The following PLA2G6 variants were observed in gnomAD, a reference collection of about 807,000 sequenced individuals.
PLA2G6 encodes the protein phospholipase A2 group VI.
Under a neutral mutation model 83.8 loss-of-function variants are expected in PLA2G6, and 62 were observed. That is an observed-to-expected ratio of 0.74 (90% CI 0.60 to 0.91). The LOEUF (loss-of-function observed/expected upper bound fraction) is 0.91. PLA2G6 is among the 40% of genes least tolerant of loss of function. PLA2G6 has a pLI of 0.00. For synonymous variants in PLA2G6, 417 were observed against 449.8 expected (o/e 0.93, Z 0.92); for missense variants, 944 against 1,102.0 (o/e 0.86, Z 2.03).
At position 38,116,502 on chromosome 22, in the gene PLA2G6, C is replaced by A. The variant is rs1198845779; in HGVS notation, c.1743-291G>T. On this transcript the variant is annotated intron_variant, in intron 12 of 16. Coordinates refer to ENST00000332509, the MANE Select transcript of PLA2G6 (RefSeq NM_003560.4). ...AAGACTGATAAAACATGGCTGTTAT[C>A]TGTTATCAAAATCAGGAAAGAAAAG... is the stretch of plus-strand genomic sequence containing the variant. The A allele has an allele frequency of 2.2e-5, 12 of 554,916 alleles. No individual in the cohort carries two copies. The East Asian group carries it at 4.6e-4, about 21-fold the overall frequency. The allele number at this position is 554,916 out of a possible 1,614,324, so 34.4% of individuals were successfully genotyped here.
chr22:38,140,379 G>A (rs559687817), intron 4 of PLA2G6: 10 of 539,424 alleles, frequency 1.9e-5, no homozygotes, highest in Non-Finnish European at 2.7e-5. Context: ...ATGGTGGCAG[G>A]CACCTGTAAT....
intron 12 of PLA2G6, among the ~76,000 whole-genome samples, chr22:38,119,758 A>G (rs981869932): frequency 1.8e-4 from 27 of 152,120 alleles, no homozygotes; most frequent in African/African-American, 5.3e-4. Context: ...GGCTGCAGTA[A>G]GCCGTGTTCA....
Position 38,115,653 on chromosome 22 carries a change from G to A in PLA2G6, c.1908C>T (p.Ser636=). ...GGAAGTAAGTAGGAGCTGCCCCGCT[G>A]CTTCGGGCCGCCCGCCACACCAGCT... ...SDQLVWRAAR[S]SGAAPTYFRP... is the part of the protein sequence containing the mutation. The change falls in exon 14 of 17, where the codon AGC becomes AGT. Residue 636 remains serine (S), a synonymous_variant. Coordinates refer to ENST00000332509, the MANE Select transcript of PLA2G6 (RefSeq NM_003560.4). 2 of 1,559,910 alleles carry A rather than the reference G, an allele frequency of 1.3e-6. No individual in the cohort carries two copies. The highest frequency in any genetic ancestry group is 1.7e-6 in the Non-Finnish European group (2 of 1,155,146).
chr22:38,145,349 C>T, intron 3 of PLA2G6, 89 bp downstream of exon 3: 1 of 1,126,890 alleles, frequency 8.9e-7, no homozygotes, highest in Middle Eastern at 2.8e-4. Context: ...TTAAGTCAAA[C>T]TATGGAGGGG....
At chr22:38,118,374 C>A (rs1405816745) in intron 12 of PLA2G6, among the ~76,000 whole-genome samples, 2 of 152,196 alleles carry the variant, frequency 1.3e-5, no homozygotes, top group Admixed American at 6.5e-5. Flanking sequence ...TGGGTATACG[C>A]CTAAGCTAAC....
chr22:38,145,601 A>G lies in PLA2G6; in HGVS notation c.262T>C (p.Ser88Pro). ...TCATAGAAGGGTAGCAGCTGGGAAGAATACTGATGGAAATTCACTAGGGCG... is the reference window on the plus strand; with the variant it reads ...TCATAGAAGGGTAGCAGCTGGGAAGGATACTGATGGAAATTCACTAGGGCG... ...ADALVNFHQY[S>P]SQLLPFYESS... Residue 88 changes from serine (S) to proline (P), a missense_variant, in exon 3 of 17, where the codon TCT (serine) becomes CCT (proline). Physicochemically the swap from Ser to Pro is moderately conservative, Grantham distance 74 (BLOSUM62 -1). Transcript: ENST00000332509. 6.2e-7 allele frequency: 1 copy of G among 1,613,872 alleles called. No homozygotes were observed. The highest frequency in any genetic ancestry group is 8.5e-7 in the Non-Finnish European group (1 of 1,179,916).
At chr22:38,159,500 G>A (rs1206213091) in intron 2 of PLA2G6, among the ~76,000 whole-genome samples, 1 of 152,080 alleles carries the variant, frequency 6.6e-6, no homozygotes, top group African/African-American at 2.4e-5. Context: ...AGGCTGAGGT[G>A]GGAGGATTGT....
intron 5 of PLA2G6, chr22:38,136,179 C>G (rs765193423): frequency 2.6e-5 from 4 of 152,036 alleles, no homozygotes; most frequent in Non-Finnish European, 5.9e-5. Flanking sequence ...AGGGGAGAAT[C>G]GGGAGTTATT....
intron 7 of PLA2G6, chr22:38,130,077 G>A: frequency 3.9e-6 from 1 of 254,322 alleles, no homozygotes; most frequent in South Asian, 5.1e-5. Flanking sequence ...TTCCACACCT[G>A]GAGGCCGGGC....
rs1439015335 is a variant in PLA2G6 at position 38,181,402 on chromosome 22, G to A, written c.-46+262C>T. ...GAGCACAGGAAGGAAAATTAGGACG[G>A]CCAATGGGGCCTAAAGAGGCACTGA... On this transcript the variant is annotated intron_variant, in intron 1 of 16. Coordinates refer to ENST00000332509, the MANE Select transcript of PLA2G6 (RefSeq NM_003560.4). Among the ~76,000 whole-genome samples, 3 of 152,142 alleles carry A rather than the reference G, an allele frequency of 2.0e-5. No homozygotes were observed. In the East Asian group the frequency reaches 5.8e-4, roughly 29 times the overall value.
intron 2 of PLA2G6, chr22:38,150,189 G>C (rs185823952): frequency 3.3e-5 from 5 of 152,180 alleles, no homozygotes; most frequent in Non-Finnish European, 5.9e-5. Flanking sequence ...GTGGGAATTT[G>C]TATCTCTTTA....
chr22:38,164,235 A>G (rs2090130849), intron 2 of PLA2G6, among the ~76,000 whole-genome samples: 1 of 152,174 alleles, frequency 6.6e-6, no homozygotes, highest in South Asian at 2.1e-4. Flanking sequence ...AAGGGCCAGG[A>G]TCAGCCCAGG....
intron 2 of PLA2G6, chr22:38,147,391 TGCCCAGAGAGTGTTGGCTCAACGG>T (rs1243580824): frequency 1.2e-5 from 2 of 169,306 alleles, no homozygotes; most frequent in Non-Finnish European, 2.9e-5. Flanking sequence ...GTGAAGGCAG[TGCCCAGAGAGTGTTGGCTCAACGG>T]GACCAGCCTG....
chr22:38,177,458 C>CTTT (rs72012543), intron 1 of PLA2G6, among the ~76,000 whole-genome samples: 1 of 115,638 alleles, frequency 8.6e-6, no homozygotes, highest in African/African-American at 3.3e-5. Flanking sequence ...TAAATTGCCA[C>CTTT]TTTTTTTTTT....
At position 38,128,483 on chromosome 22, in the gene PLA2G6, C is replaced by A. The variant is rs1305382984; in HGVS notation, c.1187-53G>T. 1.3e-6 allele frequency: 2 copies of A among 1,592,624 alleles called. No homozygotes were observed. Among genetic ancestry groups the A allele is most frequent in the Admixed American group, 1.7e-5 (1 of 59,530 alleles). ...GGCACAGGATCAGAAATGATGTCAA[C>A]ATGCAAAGGAGAGGCCCCTCCTTTC... On this transcript the variant is annotated intron_variant, in intron 8 of 16. Coordinates refer to ENST00000332509, the MANE Select transcript of PLA2G6 (RefSeq NM_003560.4). The surrounding 1 kb of genome is among the most constrained non-coding windows in gnomAD (Gnocchi z 4.4).
chr22:38,114,815 C>T (rs1441037287), intron 14 of PLA2G6, among the ~76,000 whole-genome samples: 2 of 152,208 alleles, frequency 1.3e-5, no homozygotes, highest in Non-Finnish European at 2.9e-5. Context: ...GCCAAGGCCT[C>T]GCAGCCTCCC....
intron 2 of PLA2G6, chr22:38,146,728 G>A (rs1309077361): frequency 6.7e-6 from 1 of 150,046 alleles, no homozygotes; most frequent in Non-Finnish European, 1.5e-5. Context: ...CTATTATGCA[G>A]TCATTAAAAT....
chr22:38,173,026 A>T (rs1206059428), intron 1 of PLA2G6, among the ~76,000 whole-genome samples: 2 of 152,208 alleles, frequency 1.3e-5, no homozygotes, highest in Admixed American at 1.3e-4. Flanking sequence ...TGTTATCACT[A>T]GGTGGAAGAA....
At position 38,135,057 on chromosome 22, in the gene PLA2G6, G is replaced by T; in HGVS notation, c.825C>A (p.Asp275Glu). The change falls in exon 6 of 17, where the codon GAC becomes GAA. Residue 275 changes from aspartate (D) to glutamate (E), a missense_variant. By Grantham distance (45) the Asp-to-Glu change is conservative (BLOSUM62 2). Coordinates refer to ENST00000332509, the MANE Select transcript of PLA2G6 (RefSeq NM_003560.4). Reference protein sequence around the residue: ...KGCAEMIISMDSSQIHSKDPR... With the variant: ...KGCAEMIISMESSQIHSKDPR... ...GGTCTTTGCTGTGGATCTGGCTGCT[G>T]TCCATGCTGATGATCATCTCCGCAC... The T allele has an allele frequency of 3.1e-6, 5 of 1,613,764 alleles. No homozygotes were observed. Among genetic ancestry groups the T allele is most frequent in the Non-Finnish European group, 4.2e-6 (5 of 1,179,928 alleles).
Sources: gnomAD v4.1 joint callset for allele counts (sites outside exome capture counted in the v4.1 genomes callset) on GRCh38, gnomAD v4.1.1 for gene constraint, Gnocchi (gnomAD v3.1) non-coding constraint, MANE v1.5 for transcripts, NCBI Gene and HGNC (gene_info 2026-07-23, HGNC 2026-07-21) for gene names.